Variants in ANXA10 observed in about 807,000 individuals in gnomAD.
The protein encoded by ANXA10 is annexin A10, also known as annexin 14.
In ANXA10, 49 loss-of-function variants were observed where a neutral mutation model predicts 53.5. The ratio of observed to expected loss-of-function variants is 0.92; its 90% CI spans 0.73 to 1.16. ANXA10 has a LOEUF of 1.16. Ranked by LOEUF, ANXA10 falls within the 50% of genes most tolerant of loss-of-function variation. The pLI is 0.00. For missense variants in ANXA10, 393 were observed against 394.4 expected, an observed-to-expected ratio of 1.00 and a Z score of 0.03; for synonymous variants, 131 against 128.9, an observed-to-expected ratio of 1.02 and a Z score of -0.11.
intron 6 of ANXA10, among the ~76,000 whole-genome samples, chr4:168,176,270 T>A (rs1732125123): frequency 6.6e-6 from 1 of 152,182 alleles, no homozygotes; most frequent in South Asian, 2.1e-4. Context: ...TTTATCAGTG[T>A]TAGCTGCCAA....
intron 3 of ANXA10, among the ~76,000 whole-genome samples, chr4:168,154,156 G>C (rs138022850): frequency 4.5e-4 from 68 of 152,224 alleles, no homozygotes; most frequent in African/African-American, 1.5e-3. Flanking sequence ...TAGGGTGGGA[G>C]TAGTGATCAA....
intron 9 of ANXA10, among the ~76,000 whole-genome samples, chr4:168,181,012 G>A (rs1198575949): frequency 6.6e-6 from 1 of 152,078 alleles, no homozygotes; most frequent in Non-Finnish European, 1.5e-5. Flanking sequence ...CATTCAAATA[G>A]ATGAACAGAT....
At chr4:168,110,150 G>T (rs1252624284) in intron 1 of ANXA10, among the ~76,000 whole-genome samples, 5 of 152,204 alleles carry the variant, frequency 3.3e-5, no homozygotes, top group Non-Finnish European at 5.9e-5. Flanking sequence ...GTTGGAGCTT[G>T]CAGTGAGCCG....
At chr4:168,128,880 C>T (rs1386467729) in intron 2 of ANXA10, among the ~76,000 whole-genome samples, 1 of 151,578 alleles carries the variant, frequency 6.6e-6, no homozygotes, top group Non-Finnish European at 1.5e-5. Context: ...ATGAATGATA[C>T]TAAAGTTTAG....
intron 11 of ANXA10, among the ~76,000 whole-genome samples, chr4:168,185,111 G>A (rs1328638742): frequency 2.6e-5 from 4 of 151,848 alleles, no homozygotes; most frequent in Non-Finnish European, 5.9e-5. Flanking sequence ...CTGAGATTGC[G>A]CCACTGCACT....
At chr4:168,118,782 C>T (rs1016113854) in intron 1 of ANXA10, among the ~76,000 whole-genome samples, 1 of 152,100 alleles carries the variant, frequency 6.6e-6, no homozygotes, top group Non-Finnish European at 1.5e-5. Context: ...GCAAACATTG[C>T]TGAAATGTGT....
chr4:168,105,764 AG>A (rs1730710449), intron 1 of ANXA10, among the ~76,000 whole-genome samples: 1 of 152,014 alleles, frequency 6.6e-6, no homozygotes, highest in South Asian at 2.1e-4. Context: ...TTTCTCTATA[AG>A]CTCAACAGCA....
chr4:168,135,756 A>G (rs1731227070), intron 2 of ANXA10, among the ~76,000 whole-genome samples: 1 of 152,162 alleles, frequency 6.6e-6, no homozygotes, highest in African/African-American at 2.4e-5. Context: ...GATGCCTTGT[A>G]CTTTCATGAT....
At chr4:168,141,540 C>A (rs545961409) in intron 3 of ANXA10, among the ~76,000 whole-genome samples, 2 of 152,328 alleles carry the variant, frequency 1.3e-5, no homozygotes, top group Non-Finnish European at 2.9e-5. Flanking sequence ...TTTCTCCCTA[C>A]AAACATCCGT....
Position 168,148,949 on chromosome 4 carries a change from T to C in ANXA10, c.195+9369T>C, listed in dbSNP as rs115307460. ...TTATTTTCCCCTACATCTTTGCAAA[T>C]ATAACTTCAGTTTTGTTTTTTGTTT... On this transcript the variant is annotated intron_variant, in intron 3 of 11. Coordinates refer to ENST00000359299, the MANE Select transcript of ANXA10 (RefSeq NM_007193.5). Among the ~76,000 whole-genome samples, 1,233 of 152,300 alleles carry C rather than the reference T, an allele frequency of 8.1e-3. 17 individuals carry two copies. The highest frequency in any genetic ancestry group is 0.027 in the African/African-American group (1,103 of 41,572).
chr4:168,181,332 A>G (rs965039005), intron 9 of ANXA10, among the ~76,000 whole-genome samples: 5 of 149,254 alleles, frequency 3.3e-5, no homozygotes, highest in African/African-American at 7.5e-5. Flanking sequence ...CGGAGCTTGC[A>G]GTGAGCCGAG....
In ANXA10 at chr4:168,150,693, C is replaced by T. The variant is rs1357898455; in HGVS notation, c.195+11113C>T. On this transcript the variant is annotated intron_variant, in intron 3 of 11. Coordinates refer to ENST00000359299, the MANE Select transcript of ANXA10 (RefSeq NM_007193.5). ...GCTTCATACCTCTCCACAGGACCCA[C>T]GTTCAAAACATGGTGGTGTTAGCAT... Among the ~76,000 whole-genome samples the T allele has an allele frequency of 2.6e-5, 4 of 152,284 alleles. No homozygotes were observed. The East Asian group carries it at 7.7e-4, about 29-fold the overall frequency.
chr4:168,096,426 T>C (rs1730541128), intron 1 of ANXA10, among the ~76,000 whole-genome samples: 1 of 152,174 alleles, frequency 6.6e-6, no homozygotes, highest in South Asian at 2.1e-4. Flanking sequence ...GAAACTTCTG[T>C]AGAACTAATA....
chr4:168,135,923 A>C (rs1560968088), intron 2 of ANXA10, among the ~76,000 whole-genome samples: 2 of 152,230 alleles, frequency 1.3e-5, no homozygotes, highest in African/African-American at 4.8e-5. Flanking sequence ...TAATTGGCTC[A>C]TGGCTTTGCA....
chr4:168,157,269 AT>A (rs200621679), intron 3 of ANXA10, among the ~76,000 whole-genome samples: 33 of 133,576 alleles, frequency 2.5e-4, no homozygotes, highest in African/African-American at 7.5e-4. Context: ...ATTTCTTTAT[AT>A]TTTTTTTTCT....
intron 2 of ANXA10, among the ~76,000 whole-genome samples, chr4:168,135,681 TAGAC>T (rs892962844): frequency 1.3e-5 from 2 of 152,130 alleles, no homozygotes; most frequent in African/African-American, 2.4e-5. Context: ...AGGGAGGAGA[TAGAC>T]AGGGTGATAG....
intron 2 of ANXA10, among the ~76,000 whole-genome samples, chr4:168,138,337 T>A (rs1731273622): frequency 6.6e-6 from 1 of 152,180 alleles, no homozygotes; most frequent in Non-Finnish European, 1.5e-5. Context: ...ATTTATCTGC[T>A]GATTCATGAT....
chr4:168,140,426 G>A (rs886250755), intron 3 of ANXA10, among the ~76,000 whole-genome samples: 3 of 152,198 alleles, frequency 2.0e-5, no homozygotes, highest in Non-Finnish European at 4.4e-5. Flanking sequence ...GCTACTATCA[G>A]TAGTGACCTT....
At chr4:168,132,105 A>C (rs1731165158) in intron 2 of ANXA10, among the ~76,000 whole-genome samples, 1 of 152,122 alleles carries the variant, frequency 6.6e-6, no homozygotes, top group African/African-American at 2.4e-5. Context: ...ATACCATGTG[A>C]TCCAGAAAAT....
Sources: gnomAD v4.1 joint callset for allele counts (sites outside exome capture counted in the v4.1 genomes callset) on GRCh38, gnomAD v4.1.1 for gene constraint, MANE v1.5 for transcripts, NCBI Gene and HGNC (gene_info 2026-07-23, HGNC 2026-07-21) for gene names.